The following MARCHF6 variants were observed in gnomAD, a reference collection of about 807,000 sequenced individuals.
The protein encoded by MARCHF6 is E3 ubiquitin-protein ligase MARCHF6.
Under a neutral mutation model 133.7 loss-of-function variants are expected in MARCHF6, and 31 were observed. The observed-to-expected ratio is 0.23, with a 90% CI of 0.17 to 0.31. MARCHF6 has a LOEUF of 0.31. MARCHF6 is among the 10% of genes least tolerant of loss of function. The pLI, the probability that MARCHF6 is intolerant of heterozygous loss-of-function variation, is 1.00. For missense variants in MARCHF6, 723 were observed against 1,121.6 expected (o/e 0.64, Z 5.08); for synonymous variants, 395 against 402.5 (o/e 0.98, Z 0.22).
chr5:10,356,226 G>C (rs1579507892), intron 1 of MARCHF6, among the ~76,000 whole-genome samples: 1 of 151,486 alleles, frequency 6.6e-6, no homozygotes, highest in East Asian at 1.9e-4. Flanking sequence ...TTTTAAATCT[G>C]CTTAGAAATT....
chr5:10,415,719 A>G (rs762434878), intron 21 of MARCHF6, 50 bp downstream of exon 21: 2 of 1,435,550 alleles, frequency 1.4e-6, no homozygotes, highest in Admixed American at 2.4e-5. Context: ...AATAGTGAAT[A>G]TTTTTCCAGT....
intron 22 of MARCHF6, among the ~76,000 whole-genome samples, 172 bp from the exon 23 acceptor site, chr5:10,423,563 G>A (rs1309803334): frequency 2.0e-5 from 3 of 152,036 alleles, no homozygotes; most frequent in African/African-American, 7.2e-5. Context: ...TTGAGCTGTT[G>A]AAGAAAAAAA....
At position 10,380,926 on chromosome 5, in the gene MARCHF6, C is replaced by T. The variant is rs1324816511; in HGVS notation, c.191-874C>T. 4.1e-5 allele frequency among the ~76,000 whole-genome samples: 4 copies of T among 98,410 alleles called. No homozygotes were observed. In the South Asian group the frequency reaches 1.3e-3, roughly 32 times the overall value. 64.6% of individuals were successfully genotyped at this position (98,410 alleles called of 152,430 possible). A position where few individuals can be genotyped will look rare whatever the true frequency, so the allele number is the denominator to read the frequency against. ...TGGGCAACAGAGTGAGACTCTGACT[C>T]AAAAAAAAAAAAAAAAGGTGCTATT... On this transcript the variant is annotated intron_variant, in intron 3 of 25. Transcript: ENST00000274140.
intron 3 of MARCHF6, among the ~76,000 whole-genome samples, chr5:10,379,044 CAT>C (rs759522296): frequency 5.3e-5 from 8 of 150,356 alleles, no homozygotes; most frequent in Non-Finnish European, 1.2e-4. Context: ...TTATCACACA[CAT>C]GTTTGAGATT....
intron 14 of MARCHF6, 151 bp downstream of exon 14, chr5:10,402,758 T>C: frequency 1.4e-6 from 1 of 736,312 alleles, no homozygotes; most frequent in South Asian, 2.0e-5. Context: ...TTAATGTTAA[T>C]TTTTCTTGAG....
At chr5:10,406,683 A>G (rs1006648431) in intron 16 of MARCHF6, among the ~76,000 whole-genome samples, 1 of 152,084 alleles carries the variant, frequency 6.6e-6, no homozygotes, top group Non-Finnish European at 1.5e-5. Flanking sequence ...CCGTAAATCT[A>G]AGTTTTTCTA....
intron 4 of MARCHF6, 139 bp downstream of exon 4, chr5:10,382,082 A>C: frequency 1.1e-6 from 1 of 933,078 alleles, no homozygotes; most frequent in Non-Finnish European, 1.6e-6. Flanking sequence ...GGAAAGCCTT[A>C]CTTAGAAGAT....
At position 10,402,004 on chromosome 5, in the gene MARCHF6, G is replaced by A. The variant is rs768672380; in HGVS notation, c.973-55G>A. Reference sequence around the variant, plus strand: ...TTAGATTGTTTAATATGGGAAAACCGGGGTGTAGAACATGTTGTAAAATTA... The same window carrying A: ...TTAGATTGTTTAATATGGGAAAACCAGGGTGTAGAACATGTTGTAAAATTA... On this transcript the variant is annotated intron_variant, in intron 11 of 25. Coordinates refer to ENST00000274140, the MANE Select transcript of MARCHF6 (RefSeq NM_005885.4). 12 of 989,830 alleles carry A rather than the reference G, an allele frequency of 1.2e-5. No homozygotes were observed. The East Asian group carries it at 2.4e-4, about 20-fold the overall frequency. The allele number at this position is 989,830 out of a possible 1,614,324, so 61.3% of individuals were successfully genotyped here.
At position 10,361,270 on chromosome 5, in the gene MARCHF6, T is replaced by C. The variant is rs535602704; in HGVS notation, c.19+7353T>C. ...TCAAATGGGAATGGAAAGAGATAAG[T>C]AGTTCAGTTTTAGATATTGTTTTAG... On this transcript the variant is annotated intron_variant, in intron 1 of 25. Transcript: ENST00000274140. Among the ~76,000 whole-genome samples the C allele has an allele frequency of 1.8e-4, 27 of 152,308 alleles. No homozygotes were observed. The South Asian group carries it at 5.4e-3, about 30-fold the overall frequency.
Position 10,407,157 on chromosome 5 carries a change from A to G in MARCHF6, c.1508A>G (p.Lys503Arg). Reference protein sequence around the residue: ...LMLWLPIRIIKSVLPNFLPYN... With the variant: ...LMLWLPIRIIRSVLPNFLPYN... ...CTTTGGCTTCCTATACGTATAATTA[A>G]GAGTGTGCTGCCTAATTTTCTTCCA... The change falls in exon 17 of 26, where the codon AAG becomes AGG. Residue 503 changes from lysine (K) to arginine (R), a missense_variant. Lys to Arg is a conservative substitution (Grantham distance 26). Around this residue, in one of 4 missense-constraint regions of MARCHF6, gnomAD observed 492 missense variants for 699.5 expected, o/e 0.70. Coordinates refer to ENST00000274140, the MANE Select transcript of MARCHF6 (RefSeq NM_005885.4). The G allele has an allele frequency of 6.2e-7, 1 of 1,613,436 alleles. No homozygotes were observed.
Position 10,414,522 on chromosome 5 carries a change from T to G in MARCHF6, c.1966+20T>G. 2 of 1,583,852 alleles carry G rather than the reference T, an allele frequency of 1.3e-6. No homozygotes were observed. The highest frequency in any genetic ancestry group is 1.7e-6 in the Non-Finnish European group (2 of 1,153,262). ...TACCAGGTATGAGCTTGTGCTAGCC[T>G]TCAGCTAATAGCATCATTAAGGTTA... On this transcript the variant is annotated intron_variant, in intron 20 of 25. Transcript: ENST00000274140.
chr5:10,418,422 T>C (rs1304448388), intron 22 of MARCHF6, among the ~76,000 whole-genome samples: 2 of 149,456 alleles, frequency 1.3e-5, no homozygotes, highest in African/African-American at 4.9e-5. Flanking sequence ...AGGGAACCCA[T>C]GTAAGTCACA....
At position 10,391,668 on chromosome 5, in the gene MARCHF6, G is replaced by A; in HGVS notation, c.703G>A (p.Asp235Asn). The A allele has an allele frequency of 6.2e-7, 1 of 1,608,310 alleles. No homozygotes were observed. The highest frequency in any genetic ancestry group is 1.7e-4 in the Middle Eastern group (1 of 6,022). The change falls in exon 7 of 26, where the codon GAC becomes AAC. Residue 235 changes from aspartate to asparagine, a missense_variant. Coordinates refer to ENST00000274140, the MANE Select transcript of MARCHF6 (RefSeq NM_005885.4). ...TGACCAGGCAGAAGAGGAGGAGGAG[G>A]ACAATGAGGAGGAAGATGACGCTGG... The part of the protein sequence containing the change: ...QDDQAEEEEE[D>N]NEEEDDAGVE...
Position 10,417,576 on chromosome 5 carries a change from T to G in MARCHF6, c.2283+172T>G, listed in dbSNP as rs559318253. The G allele has an allele frequency of 7.7e-5, 58 of 751,628 alleles. 2 individuals are homozygous for G. The South Asian group carries it at 9.9e-4, about 13-fold the overall frequency. 46.6% of individuals were successfully genotyped at this position (751,628 alleles called of 1,614,324 possible). On this transcript the variant is annotated intron_variant, in intron 22 of 25. Transcript: ENST00000274140. ...GCCTGGGCAGCATGGCAAGACCTAG[T>G]CTCTATAAAAAATTGGCTCATGCGT...
intron 1 of MARCHF6, among the ~76,000 whole-genome samples, chr5:10,363,652 CA>C (rs1249484958): frequency 6.6e-6 from 1 of 152,104 alleles, no homozygotes; most frequent in Non-Finnish European, 1.5e-5. Context: ...TATATTCACA[CA>C]AAAACCTGTA....
At chr5:10,410,386 A>G in intron 18 of MARCHF6, 110 bp downstream of exon 18, 8 of 1,310,756 alleles carry the variant, frequency 6.1e-6, no homozygotes, top group Non-Finnish European at 1.0e-6. Context: ...TAGTTTTAAT[A>G]AGAGACAATT....
chr5:10,392,187 G>C (rs1737900038), intron 7 of MARCHF6, among the ~76,000 whole-genome samples: 1 of 152,134 alleles, frequency 6.6e-6, no homozygotes, highest in Admixed American at 6.5e-5. Context: ...TCGATCTCCT[G>C]ACCTTGTGAG....
chr5:10,360,839 A>G (rs1287448325), intron 1 of MARCHF6, among the ~76,000 whole-genome samples: 4 of 152,306 alleles, frequency 2.6e-5, no homozygotes, highest in Non-Finnish European at 4.4e-5. Flanking sequence ...ATATTGCTCA[A>G]TTAGAATACT....
chr5:10,364,407 G>A (rs994786292), intron 1 of MARCHF6, among the ~76,000 whole-genome samples: 2 of 152,162 alleles, frequency 1.3e-5, no homozygotes, highest in African/African-American at 4.8e-5. Context: ...CTGTATGAAG[G>A]TGTTCATTAA....
Sources: allele counts gnomAD v4.1 joint callset (sites outside exome capture counted in the v4.1 genomes callset), GRCh38; gene constraint gnomAD v4.1.1; regional missense constraint gnomAD v4.1.1; transcripts MANE v1.5; gene names NCBI Gene and HGNC (gene_info 2026-07-23, HGNC 2026-07-21).